BAZ2B: variants seen among roughly 807,000 people sequenced by gnomAD.
BAZ2B encodes bromodomain adjacent to zinc finger domain 2B, also known as bromodomain adjacent to zinc finger domain protein 2B.
In BAZ2B, 91 loss-of-function variants were observed where a neutral mutation model predicts 246.0. The observed-to-expected ratio is 0.37, with a 90% CI of 0.31 to 0.44. The LOEUF (loss-of-function observed/expected upper bound fraction) is 0.44, where lower values mean the gene tolerates loss of function less well. Ranked by LOEUF, BAZ2B falls within the 20% of genes least tolerant of loss-of-function variation. The pLI, the probability that BAZ2B is intolerant of heterozygous loss-of-function variation, is 1.00. For synonymous variants in BAZ2B, 855 were observed against 860.0 expected, an observed-to-expected ratio of 0.99 and a Z score of 0.10; for missense variants, 2,332 against 2,533.7, an observed-to-expected ratio of 0.92 and a Z score of 1.71.
In BAZ2B at chr2:159,386,508, C is replaced by T; in HGVS notation, c.3316G>A (p.Val1106Ile). 6.2e-7 allele frequency: 1 copy of T among 1,613,652 alleles called. No individual in the cohort carries two copies. Among genetic ancestry groups the T allele is most frequent in the Non-Finnish European group, 8.5e-7 (1 of 1,179,764 alleles). ...VVQFLRNFGK[V>I]LGFDVNIDVP... The stretch of plus-strand genomic sequence containing the variant: ...TCAATATTCACATCAAAGCCCAAAA[C>T]TTTACCAAAGTTTCGTAAGAACTGC... The change falls in exon 22 of 37, where the codon GTT becomes ATT. Residue 1106 changes from valine to isoleucine, a missense_variant. This residue lies in a region of BAZ2B where 328 missense variants were observed against 410.4 expected (regional missense o/e 0.80). Coordinates refer to ENST00000392783, the MANE Select transcript of BAZ2B (RefSeq NM_013450.4).
At chr2:159,618,993 T>C (rs1323621548), upstream of BAZ2B, among the ~76,000 whole-genome samples, 1 of 152,086 alleles carries the variant, frequency 6.6e-6, no homozygotes, top group African/African-American at 2.4e-5. Flanking sequence ...GGTTTCATAA[T>C]GATATGTAAT....
Position 159,404,856 on chromosome 2 carries a change from T to G in BAZ2B, c.2825A>C (p.Lys942Thr), listed in dbSNP as rs767661376. Reference protein sequence around the residue: ...RKQKEQIKIMKQQEKIKRIQQ... With the variant: ...RKQKEQIKIMTQQEKIKRIQQ... ...TCCAATGTATACACATACCTGCTGT[T>G]TCATAATCTTTATCTGTTCTTTTTG... The change falls in exon 16 of 37, where the codon AAA (lysine) becomes ACA (threonine). Residue 942 changes from lysine (K) to threonine (T), a missense_variant. By Grantham distance (78) the Lys-to-Thr change is moderately conservative (BLOSUM62 -1). Around this residue, in one of 9 missense-constraint regions of BAZ2B, gnomAD observed 651 missense variants for 650.9 expected, o/e 1.00. Coordinates refer to ENST00000392783, the MANE Select transcript of BAZ2B (RefSeq NM_013450.4). 3 of 1,612,612 alleles carry G rather than the reference T, an allele frequency of 1.9e-6. No homozygotes were observed. Among genetic ancestry groups the G allele is most frequent in the Non-Finnish European group, 2.5e-6 (3 of 1,179,732 alleles).
At chr2:159,663,708 G>A in the BAZ2B span, among the ~76,000 whole-genome samples, 7 of 151,360 alleles carry the variant, frequency 4.6e-5, no homozygotes, top group African/African-American at 1.2e-4. Flanking sequence ...TGGTAGAGAC[G>A]GGGTTTCACT....
chr2:159,362,937 A>G (rs1559114246), intron 27 of BAZ2B, among the ~76,000 whole-genome samples: 1 of 152,158 alleles, frequency 6.6e-6, no homozygotes, highest in Non-Finnish European at 1.5e-5. Context: ...GTCCTGCTGT[A>G]TGTGAAGCCA....
intron 2 of BAZ2B, among the ~76,000 whole-genome samples, chr2:159,529,742 G>A (rs535784613): frequency 1.3e-5 from 2 of 152,268 alleles, no homozygotes; most frequent in African/African-American, 2.4e-5. Flanking sequence ...CAGAGTCGCT[G>A]TTGTTTAGTA....
chr2:159,606,486 T>C (rs1375613199), intron 1 of BAZ2B, among the ~76,000 whole-genome samples: 4 of 152,216 alleles, frequency 2.6e-5, no homozygotes, highest in Non-Finnish European at 4.4e-5. Flanking sequence ...ATGTTAACAG[T>C]AATACATTAC....
the BAZ2B span, among the ~76,000 whole-genome samples, chr2:159,687,608 C>A: frequency 1.3e-5 from 2 of 152,230 alleles, no homozygotes; most frequent in African/African-American, 4.8e-5. Context: ...CCAGACCTCA[C>A]CCTATATGCC....
intron 2 of BAZ2B, among the ~76,000 whole-genome samples, chr2:159,504,066 T>G (rs929301076): frequency 5.3e-4 from 80 of 152,280 alleles, no homozygotes; most frequent in African/African-American, 1.9e-3. Context: ...AAACATGACT[T>G]GCAAAGAATA....
At position 159,446,967 on chromosome 2, in the gene BAZ2B, C is replaced by A; in HGVS notation, c.511G>T (p.Gly171Trp). 1 of 1,550,036 alleles carries A rather than the reference C, an allele frequency of 6.5e-7. No homozygotes were observed. The highest frequency in any genetic ancestry group is 8.7e-7 in the Non-Finnish European group (1 of 1,151,758). ...GATGTATTACTTCCATTTATTGACC[C>A]ATTTACACCTTGAAAATAAAAATAA... ...NRNGPEKGVN[G>W]SINGSNTSSV... is the part of the protein sequence containing the mutation. Residue 171 changes from glycine (G) to tryptophan (W), a missense_variant, in exon 6 of 37, where the codon GGG (glycine) becomes TGG (tryptophan). Transcript: ENST00000392783.
chr2:159,640,483 C>A, the BAZ2B span, among the ~76,000 whole-genome samples: 3 of 151,604 alleles, frequency 2.0e-5, no homozygotes, highest in African/African-American at 7.3e-5. Context: ...CAAAAAAAAA[C>A]CTGAAATAGT....
the BAZ2B span, among the ~76,000 whole-genome samples, chr2:159,699,711 C>T: frequency 6.6e-6 from 1 of 152,160 alleles, no homozygotes; most frequent in Non-Finnish European, 1.5e-5. Context: ...CATCTGAATC[C>T]TACCCTTTTC....
intron 2 of BAZ2B, among the ~76,000 whole-genome samples, chr2:159,508,378 T>C (rs2082556086): frequency 6.6e-6 from 1 of 152,248 alleles, no homozygotes; most frequent in East Asian, 1.9e-4. Context: ...AAACTACTTA[T>C]CTAATTACTG....
intron 2 of BAZ2B, among the ~76,000 whole-genome samples, chr2:159,540,797 G>A (rs1289280870): frequency 6.6e-6 from 1 of 152,144 alleles, no homozygotes; most frequent in South Asian, 2.1e-4. Flanking sequence ...CTCCCTTAGA[G>A]AGCAGGAACT....
At chr2:159,397,682 C>CA (rs1323684910) in intron 18 of BAZ2B, among the ~76,000 whole-genome samples, 1 of 152,158 alleles carries the variant, frequency 6.6e-6, no homozygotes, top group African/African-American at 2.4e-5. Context: ...CTGCACACTT[C>CA]AATGGCACAT....
chr2:159,696,554 C>G, the BAZ2B span, among the ~76,000 whole-genome samples: 36 of 152,234 alleles, frequency 2.4e-4, no homozygotes, highest in Middle Eastern at 6.8e-3. Flanking sequence ...TTCTTAGGAG[C>G]AAATTCTTCT....
chr2:159,484,819 T>C (rs370038239), intron 2 of BAZ2B, among the ~76,000 whole-genome samples: 1 of 151,730 alleles, frequency 6.6e-6, no homozygotes, highest in African/African-American at 2.4e-5. Flanking sequence ...CCATATACCG[T>C]CAAGAAAAGC....
At chr2:159,450,429 T>G (rs1577168388) in intron 4 of BAZ2B, among the ~76,000 whole-genome samples, 1 of 143,704 alleles carries the variant, frequency 7.0e-6, no homozygotes, top group Non-Finnish European at 1.5e-5. Context: ...GAGAAAACAA[T>G]GGGAAAATGT....
the BAZ2B span, among the ~76,000 whole-genome samples, chr2:159,674,946 G>A: frequency 1.2e-4 from 18 of 152,074 alleles, no homozygotes; most frequent in Non-Finnish European, 2.1e-4. Context: ...AATAACATTG[G>A]AGCAGCATTT....
intron 1 of BAZ2B, among the ~76,000 whole-genome samples, chr2:159,600,236 T>C (rs2151756132): frequency 6.6e-6 from 1 of 152,288 alleles, no homozygotes; most frequent in South Asian, 2.1e-4. Flanking sequence ...CCATACCTCA[T>C]GAGACCGGCC....
Sources: gnomAD v4.1 joint callset for allele counts (sites outside exome capture counted in the v4.1 genomes callset) on GRCh38, gnomAD v4.1.1 for gene constraint, gnomAD v4.1.1 regional missense constraint, MANE v1.5 for transcripts, NCBI Gene and HGNC (gene_info 2026-07-23, HGNC 2026-07-21) for gene names.